Variants in SH3RF3 observed in about 807,000 individuals in gnomAD.
SH3RF3 encodes the protein SH3 domain containing ring finger 3, also known as E3 ubiquitin-protein ligase SH3RF3.
Under a neutral mutation model 66.3 loss-of-function variants are expected in SH3RF3, and 29 were observed. The ratio of observed to expected loss-of-function variants is 0.44; its 90% confidence interval spans 0.33 to 0.60. SH3RF3 has a LOEUF of 0.60. Ranked by LOEUF, SH3RF3 falls within the 20% of genes least tolerant of loss-of-function variation. The probability of loss-of-function intolerance (pLI) is 0.04; values close to 1 mark genes in which losing one functional copy is unlikely to be tolerated. For synonymous variants in SH3RF3, 583 were observed against 532.0 expected (o/e 1.10, Z -1.32); for missense variants, 1,194 against 1,190.9 (o/e 1.00, Z -0.04).
intron 9 of SH3RF3, among the ~76,000 whole-genome samples, chr2:109,492,929 G>A (rs1235207104): frequency 6.6e-6 from 1 of 152,010 alleles, no homozygotes; most frequent in African/African-American, 2.4e-5. Context: ...ACACCCACAG[G>A]GAGAAGTGCC....
intron 1 of SH3RF3, chr2:109,141,424 G>A (rs1033614199): frequency 1.1e-4 from 17 of 153,234 alleles, no homozygotes; most frequent in Middle Eastern, 3.1e-3. Context: ...TCCGCACCGC[G>A]CCAAGCTCAT....
chr2:109,136,304 A>G (rs1448187148), intron 1 of SH3RF3, among the ~76,000 whole-genome samples: 2 of 152,082 alleles, frequency 1.3e-5, no homozygotes, highest in Non-Finnish European at 1.5e-5. Flanking sequence ...GCCAAGGTCA[A>G]TTTTTATCAG....
At chr2:109,277,915 C>T (rs1168954250) in intron 1 of SH3RF3, among the ~76,000 whole-genome samples, 1 of 150,450 alleles carries the variant, frequency 6.6e-6, no homozygotes, top group East Asian at 2.0e-4. Flanking sequence ...TGGCTCACGC[C>T]TATAATCCCA....
chr2:109,152,463 G>A (rs1488674717), intron 1 of SH3RF3, among the ~76,000 whole-genome samples: 5 of 152,210 alleles, frequency 3.3e-5, no homozygotes, highest in African/African-American at 9.6e-5. Flanking sequence ...CCTTGTTCCG[G>A]GTGCCTGATG....
intron 9 of SH3RF3, among the ~76,000 whole-genome samples, chr2:109,491,361 C>T (rs1464169710): frequency 3.9e-5 from 6 of 152,158 alleles, no homozygotes; most frequent in African/African-American, 1.2e-4. Context: ...TCAACCCACT[C>T]GGCGTCTTAG....
intron 1 of SH3RF3, among the ~76,000 whole-genome samples, chr2:109,277,832 A>G (rs1680792546): frequency 6.6e-6 from 1 of 152,190 alleles, no homozygotes; most frequent in South Asian, 2.1e-4. Context: ...GTGGAGAAAC[A>G]GTGGCCAGGT....
intron 1 of SH3RF3, among the ~76,000 whole-genome samples, chr2:109,168,383 GA>G (rs1237452561): frequency 6.6e-6 from 1 of 152,180 alleles, no homozygotes; most frequent in Non-Finnish European, 1.5e-5. Context: ...GAGATGAATG[GA>G]AAAATATGAT....
At chr2:109,411,328 TC>T (rs1223778352) in intron 4 of SH3RF3, among the ~76,000 whole-genome samples, 1 of 152,222 alleles carries the variant, frequency 6.6e-6, no homozygotes, top group East Asian at 1.9e-4. Context: ...GAGGCCCCTT[TC>T]CCTGCAGTTA....
chr2:109,215,113 T>A (rs946883327), intron 1 of SH3RF3, among the ~76,000 whole-genome samples: 3 of 152,164 alleles, frequency 2.0e-5, no homozygotes, highest in Admixed American at 2.0e-4. Context: ...TCCATACACA[T>A]CACAATTGAC....
At chr2:109,416,469 C>T (rs1364604021) in intron 4 of SH3RF3, among the ~76,000 whole-genome samples, 1 of 152,168 alleles carries the variant, frequency 6.6e-6, no homozygotes, top group East Asian at 1.9e-4. Flanking sequence ...ACTGCAACTT[C>T]CGCCTCCTGG....
intron 3 of SH3RF3, among the ~76,000 whole-genome samples, chr2:109,391,107 C>T (rs778903177): frequency 2.6e-5 from 4 of 152,224 alleles, no homozygotes; most frequent in Non-Finnish European, 4.4e-5. Flanking sequence ...GAAAACCATT[C>T]GCTCCGACTC....
At chr2:109,348,519 G>A (rs1197340267) in intron 2 of SH3RF3, among the ~76,000 whole-genome samples, 1 of 152,230 alleles carries the variant, frequency 6.6e-6, no homozygotes, top group African/African-American at 2.4e-5. Context: ...AAATTGAGTA[G>A]GAGGGTTGGG....
intron 1 of SH3RF3, among the ~76,000 whole-genome samples, chr2:109,133,152 T>C (rs2104802765): frequency 6.6e-6 from 1 of 152,330 alleles, no homozygotes; most frequent in Non-Finnish European, 1.5e-5. Context: ...CACTGACCGG[T>C]GTCACTCCAG....
chr2:109,449,319 A>G lies in SH3RF3; in HGVS notation c.1978A>G (p.Met660Val), dbSNP rs567173547. The G allele has an allele frequency of 8.1e-6, 13 of 1,606,690 alleles. No homozygotes were observed. The highest frequency in any genetic ancestry group is 5.1e-5 in the Admixed American group (3 of 59,314). Residue 660 changes from methionine to valine, a missense_variant, in exon 8 of 10, where the codon ATG becomes GTG. Transcript: ENST00000309415. ...GCACAGCCACCAGCCCCCGGTGCAGATGTGCCCACGGCCGGCCATCCCCCT... is the reference window on the plus strand; with the variant it reads ...GCACAGCCACCAGCCCCCGGTGCAGGTGTGCCCACGGCCGGCCATCCCCCT... ...PQHSHQPPVQ[M>V]CPRPAIPLTS... is the part of the protein sequence containing the mutation.
intron 1 of SH3RF3, among the ~76,000 whole-genome samples, chr2:109,256,280 G>A (rs771937743): frequency 1.3e-5 from 2 of 152,220 alleles, no homozygotes; most frequent in Admixed American, 1.3e-4. Context: ...GCCTGGTTGA[G>A]CGTATTACTG....
intron 1 of SH3RF3, among the ~76,000 whole-genome samples, chr2:109,148,032 GGTGGTTT>G (rs1022610626): frequency 6.6e-6 from 1 of 152,296 alleles, no homozygotes; most frequent in East Asian, 1.9e-4. Context: ...AGGTCAGTCG[GGTGGTTT>G]GTTGCATGGT....
intron 1 of SH3RF3, among the ~76,000 whole-genome samples, chr2:109,191,049 A>G (rs538637538): frequency 1.3e-5 from 2 of 152,182 alleles, no homozygotes; most frequent in East Asian, 3.9e-4. Flanking sequence ...CTTGGGCCAC[A>G]AAGAGTCTAA....
At chr2:109,182,605 G>A (rs752584395) in intron 1 of SH3RF3, among the ~76,000 whole-genome samples, 8 of 152,178 alleles carry the variant, frequency 5.3e-5, no homozygotes, top group Admixed American at 2.6e-4. Context: ...AGAATGAATC[G>A]ATGTTGCGTA....
chr2:109,239,634 G>A lies in SH3RF3; in HGVS notation c.574-108040G>A, dbSNP rs184522147. 2.2e-4 allele frequency among the ~76,000 whole-genome samples: 33 copies of A among 152,294 alleles called. 1 individual carries two copies. The highest frequency in any genetic ancestry group is 1.7e-3 in the Admixed American group (26 of 15,306). On this transcript the variant is annotated intron_variant, in intron 1 of 9. Coordinates refer to ENST00000309415, the MANE Select transcript of SH3RF3 (RefSeq NM_001099289.3). ...GCGTGATCATCCAGGATAACAGGGA[G>A]GAAAGAGAGGCCGATGAAGCCACTG...
Sources: gnomAD v4.1 joint callset for allele counts (sites outside exome capture counted in the v4.1 genomes callset) on GRCh38, gnomAD v4.1.1 for gene constraint, MANE v1.5 for transcripts, NCBI Gene and HGNC (gene_info 2026-07-23, HGNC 2026-07-21) for gene names.